The following TTPA variants were observed in gnomAD, a reference collection of about 807,000 sequenced individuals.
TTPA encodes the protein alpha-tocopherol transfer protein.
A neutral mutation model predicts 25.9 loss-of-function variants in TTPA; 23 were observed. That is an observed-to-expected ratio of 0.89 (90% CI 0.64 to 1.26). TTPA has a LOEUF of 1.26. TTPA is among the 50% of genes most tolerant of loss of function. TTPA has a pLI of 0.00. For synonymous variants in TTPA, 148 were observed against 137.3 expected (o/e 1.08, Z -0.54); for missense variants, 337 against 353.1 (o/e 0.95, Z 0.37).
At chr8:63,070,478 AT>A (rs976278901) in intron 2 of TTPA, among the ~76,000 whole-genome samples, 15 of 152,156 alleles carry the variant, frequency 9.9e-5, no homozygotes, top group Non-Finnish European at 1.9e-4. Flanking sequence ...AAAAGTTTTC[AT>A]TTTACTCATA....
chr8:63,084,488 T>C (rs1805715855), intron 1 of TTPA, among the ~76,000 whole-genome samples: 1 of 152,316 alleles, frequency 6.6e-6, no homozygotes, highest in African/African-American at 2.4e-5. Context: ...CATTTTAATA[T>C]AGTCTAATAT....
At chr8:63,067,066 AT>A (rs1188917268) in intron 2 of TTPA, among the ~76,000 whole-genome samples, 1 of 151,948 alleles carries the variant, frequency 6.6e-6, no homozygotes, top group Non-Finnish European at 1.5e-5. Flanking sequence ...AATTCAAAGA[AT>A]TTTTTTAAAG....
chr8:63,079,438 T>G (rs1585694756), intron 1 of TTPA, among the ~76,000 whole-genome samples: 3 of 151,934 alleles, frequency 2.0e-5, no homozygotes, highest in East Asian at 3.9e-4. Flanking sequence ...ACATCTCACA[T>G]GCAGAGACAC....
intron 2 of TTPA, among the ~76,000 whole-genome samples, chr8:63,067,599 CATTT>C (rs931479727): frequency 6.6e-6 from 1 of 150,692 alleles, no homozygotes; most frequent in Non-Finnish European, 1.5e-5. Context: ...ATTGTGGCAC[CATTT>C]ATTTATTTAT....
At chr8:63,065,628 A>T (rs935241185) in intron 3 of TTPA, among the ~76,000 whole-genome samples, 10 of 152,182 alleles carry the variant, frequency 6.6e-5, no homozygotes, top group Non-Finnish European at 8.8e-5. Flanking sequence ...TAGGAAAAAA[A>T]GTTAATGACA....
At chr8:63,077,561 C>T (rs999550458) in intron 1 of TTPA, among the ~76,000 whole-genome samples, 3 of 152,240 alleles carry the variant, frequency 2.0e-5, no homozygotes, top group Non-Finnish European at 4.4e-5. Context: ...TCACTGCTAG[C>T]GTGGCAGTCT....
chr8:63,075,698 CAAAAAAAA>C (rs751066913), intron 1 of TTPA, among the ~76,000 whole-genome samples: 2 of 56,994 alleles, frequency 3.5e-5, no homozygotes, highest in South Asian at 5.6e-4. Flanking sequence ...GACTCCGTCT[CAAAAAAAA>C]AAAAAAAAAA....
At chr8:63,085,401 C>T (rs1265920757) in intron 1 of TTPA, among the ~76,000 whole-genome samples, 1 of 152,196 alleles carries the variant, frequency 6.6e-6, no homozygotes, top group East Asian at 1.9e-4. Flanking sequence ...CCCCGCTATA[C>T]GTAGTTAATC....
intron 1 of TTPA, among the ~76,000 whole-genome samples, chr8:63,074,106 G>T (rs1805525325): frequency 6.6e-6 from 1 of 152,184 alleles, no homozygotes; most frequent in Non-Finnish European, 1.5e-5. Flanking sequence ...ATGTGAGACT[G>T]CAGTGCAGAG....
At position 63,061,057 on chromosome 8, in the gene TTPA, A is replaced by G. The variant is rs1805297393; in HGVS notation, c.*195T>C. Reference sequence around the variant, plus strand: ...TGTACTGACATTTAATTACTTCAAAAGTAGAGAAAAAAGCATTTAAAAAGT... The same window carrying G: ...TGTACTGACATTTAATTACTTCAAAGGTAGAGAAAAAAGCATTTAAAAAGT... On this transcript the variant is annotated 3_prime_UTR_variant, in exon 5 of 5. Coordinates refer to ENST00000260116, the MANE Select transcript of TTPA (RefSeq NM_000370.3). 1.7e-6 allele frequency: 1 copy of G among 575,198 alleles called. No homozygotes were observed. Among genetic ancestry groups the G allele is most frequent in the Non-Finnish European group, 3.0e-6 (1 of 330,922 alleles). 35.6% of individuals were successfully genotyped at this position (575,198 alleles called of 1,614,324 possible).
At chr8:63,073,164 G>T in intron 1 of TTPA, 76 bp from the exon 2 acceptor site, 1 of 1,226,060 alleles carries the variant, frequency 8.2e-7, no homozygotes, top group Non-Finnish European at 1.2e-6. Flanking sequence ...AAAAGCTTTG[G>T]CATTGTGTAT....
At chr8:63,077,034 T>A (rs1223444215) in intron 1 of TTPA, among the ~76,000 whole-genome samples, 1 of 151,988 alleles carries the variant, frequency 6.6e-6, no homozygotes, top group Non-Finnish European at 1.5e-5. Context: ...ATAAAATCAA[T>A]TCATTTGATT....
In TTPA at chr8:63,085,958, GAGAGTGGTCCGGT is replaced by G; in HGVS notation, c.51_63del (p.Pro18ArgfsTer49). The G allele has an allele frequency of 1.3e-6, 2 of 1,526,524 alleles. No homozygotes were observed. Among genetic ancestry groups the G allele is most frequent in the Non-Finnish European group, 8.7e-7 (1 of 1,145,280 alleles). The allele number at this position is 1,526,524 out of a possible 1,614,324, so 94.6% of individuals were successfully genotyped here. A position where few individuals can be genotyped will look rare whatever the true frequency, so the allele number is the denominator to read the frequency against. ...GCCGCCAGGCCCGGCTGCAGCAACG[GAGAGTGGTCCGGT>G]AGCGCGTTGAGCTGCGGCCCCGCCG... On this transcript the variant is annotated frameshift_variant, in exon 1 of 5. Coordinates refer to ENST00000260116, the MANE Select transcript of TTPA (RefSeq NM_000370.3). LOFTEE classifies it high-confidence loss of function.
At chr8:63,063,281 T>G (rs1411873782) in intron 4 of TTPA, among the ~76,000 whole-genome samples, 2 of 152,192 alleles carry the variant, frequency 1.3e-5, no homozygotes. Flanking sequence ...TGGTTGCCAT[T>G]CTTGAGAACG....
At chr8:63,078,446 G>T (rs1013666363) in intron 1 of TTPA, among the ~76,000 whole-genome samples, 14 of 152,164 alleles carry the variant, frequency 9.2e-5, no homozygotes, top group African/African-American at 3.1e-4. Context: ...TTGAAAAAAG[G>T]TTAAACGAAT....
At chr8:63,085,671 C>T (rs1340559934) in intron 1 of TTPA, 147 bp downstream of exon 1, 19 of 896,650 alleles carry the variant, frequency 2.1e-5, no homozygotes, top group Middle Eastern at 3.4e-4. Flanking sequence ...AGCCTCAGCG[C>T]CCACGCCGGG....
At chr8:63,064,106 G>A (rs1407898176) in intron 4 of TTPA, 100 bp downstream of exon 4, 1 of 804,228 alleles carries the variant, frequency 1.2e-6, no homozygotes, top group Non-Finnish European at 2.1e-6. Flanking sequence ...TAATGATATA[G>A]ATGGGCAGGT....
intron 4 of TTPA, among the ~76,000 whole-genome samples, chr8:63,063,695 C>T (rs1002113750): frequency 6.6e-6 from 1 of 152,052 alleles, no homozygotes; most frequent in African/African-American, 2.4e-5. Flanking sequence ...TTATTTCTCC[C>T]CTTTGTATAC....
chr8:63,064,004 C>A (rs569159393), intron 4 of TTPA, among the ~76,000 whole-genome samples: 2 of 152,024 alleles, frequency 1.3e-5, no homozygotes, highest in African/African-American at 2.4e-5. Context: ...CACAGTCTTA[C>A]AACCAATATA....
Sources: allele counts gnomAD v4.1 joint callset (sites outside exome capture counted in the v4.1 genomes callset), GRCh38; gene constraint gnomAD v4.1.1; transcripts MANE v1.5; gene names NCBI Gene and HGNC (gene_info 2026-07-23, HGNC 2026-07-21).